Variants in TYW1B observed in about 807,000 individuals in gnomAD.
TYW1B encodes S-adenosyl-L-methionine-dependent tRNA 4-demethylwyosine synthase TYW1B.
A neutral mutation model predicts 86.9 loss-of-function variants in TYW1B; 73 were observed. The observed-to-expected ratio is 0.84, with a 90% CI of 0.70 to 1.02. The LOEUF is 1.02. Among genes scored for constraint, TYW1B ranks in the 50% least tolerant of loss-of-function variants. TYW1B has a pLI of 0.00. For missense variants in TYW1B, 637 were observed against 827.4 expected (o/e 0.77, Z 2.82); for synonymous variants, 248 against 292.8 (o/e 0.85, Z 1.56).
At chr7:72,657,751 A>G (rs559608455) in intron 11 of TYW1B, among the ~76,000 whole-genome samples, 1 of 152,334 alleles carries the variant, frequency 6.6e-6, no homozygotes, top group African/African-American at 2.4e-5. Flanking sequence ...TCCTTCAGAA[A>G]TGAAGGAGAA....
intron 11 of TYW1B, among the ~76,000 whole-genome samples, chr7:72,666,618 G>C (rs1554445293): frequency 6.6e-6 from 1 of 152,020 alleles, no homozygotes; most frequent in Admixed American, 6.6e-5. Context: ...AGTAACACAG[G>C]AATCTCCTAG....
intron 11 of TYW1B, among the ~76,000 whole-genome samples, chr7:72,653,327 G>A (rs2129569259): frequency 6.6e-6 from 1 of 152,172 alleles, no homozygotes; most frequent in African/African-American, 2.4e-5. Flanking sequence ...TGAAAAGAGG[G>A]CGGGCGCAGT....
At chr7:72,779,125 GC>G (rs1390658213) in intron 6 of TYW1B, among the ~76,000 whole-genome samples, 1 of 152,076 alleles carries the variant, frequency 6.6e-6, no homozygotes, top group Non-Finnish European at 1.5e-5. Flanking sequence ...CTACCACCAA[GC>G]CCCAGCCCAC....
At chr7:72,724,101 G>T (rs1390978678) in intron 9 of TYW1B, among the ~76,000 whole-genome samples, 1 of 151,532 alleles carries the variant, frequency 6.6e-6, no homozygotes, top group Non-Finnish European at 1.5e-5. Flanking sequence ...TTAGAACACA[G>T]AAAAAAGCAT....
intron 10 of TYW1B, among the ~76,000 whole-genome samples, chr7:72,709,784 G>A (rs1167767708): frequency 2.0e-5 from 3 of 152,154 alleles, no homozygotes; most frequent in East Asian, 1.9e-4. Flanking sequence ...TTTCAGGATC[G>A]GAGAAATTTG....
At chr7:72,799,723 C>A (rs1788372352) in intron 6 of TYW1B, among the ~76,000 whole-genome samples, 1 of 152,024 alleles carries the variant, frequency 6.6e-6, no homozygotes, top group Non-Finnish European at 1.5e-5. Flanking sequence ...CCTCGACCTC[C>A]CAAAGTGCTG....
intron 7 of TYW1B, among the ~76,000 whole-genome samples, chr7:72,767,032 T>C (rs570602926): frequency 2.0e-5 from 3 of 152,106 alleles, no homozygotes; most frequent in African/African-American, 7.2e-5. Context: ...AAAATCAAAA[T>C]GGAGTCACTA....
At chr7:72,821,215 C>G (rs1788823019) in intron 2 of TYW1B, among the ~76,000 whole-genome samples, 2 of 152,104 alleles carry the variant, frequency 1.3e-5, no homozygotes, top group South Asian at 2.1e-4. Flanking sequence ...CTCAAGTGAC[C>G]CACCTGCCTC....
At chr7:72,653,911 C>G (rs1366769409) in intron 11 of TYW1B, among the ~76,000 whole-genome samples, 1 of 151,872 alleles carries the variant, frequency 6.6e-6, no homozygotes, top group Non-Finnish European at 1.5e-5. Context: ...TGAACCCTGT[C>G]TCTATTAAAA....
intron 9 of TYW1B, among the ~76,000 whole-genome samples, chr7:72,720,621 A>G (rs1313621006): frequency 1.3e-5 from 2 of 152,116 alleles, no homozygotes; most frequent in African/African-American, 4.8e-5. Flanking sequence ...GCATGTTTCT[A>G]TTTCTTGCTC....
intron 10 of TYW1B, among the ~76,000 whole-genome samples, chr7:72,699,857 C>G (rs1379441444): frequency 1.1e-4 from 16 of 152,030 alleles, no homozygotes; most frequent in Non-Finnish European, 1.3e-4. Context: ...GCCATGTTGG[C>G]CAGGCTGGTC....
At chr7:72,685,486 C>A (rs782057237) in intron 11 of TYW1B, among the ~76,000 whole-genome samples, 5 of 151,466 alleles carry the variant, frequency 3.3e-5, no homozygotes, top group Admixed American at 6.6e-5. Flanking sequence ...GAACAGAATA[C>A]AGCCCAGGAA....
Position 72,774,865 on chromosome 7 carries a change from G to A in TYW1B, c.964+2551C>T, listed in dbSNP as rs1341943622. 7.9e-5 allele frequency among the ~76,000 whole-genome samples: 12 copies of A among 152,066 alleles called. 1 individual carries two copies. Among genetic ancestry groups the A allele is most frequent in the South Asian group, 4.1e-4 (2 of 4,830 alleles). On this transcript the variant is annotated intron_variant, in intron 7 of 13. Coordinates refer to ENST00000620995, the MANE Select transcript of TYW1B (RefSeq NM_001145440.3). ...GATGAATGAGGGAAAAAAATCCATT[G>A]ATCCAAGCTGATCCAAAAATGACAA...
chr7:72,761,940 A>G (rs1315526855), intron 7 of TYW1B, among the ~76,000 whole-genome samples: 1 of 152,108 alleles, frequency 6.6e-6, no homozygotes, highest in Non-Finnish European at 1.5e-5. Flanking sequence ...TGAAAACACA[A>G]TTCATAAAAG....
Position 72,673,129 on chromosome 7 carries a change from T to C in TYW1B, c.1506+21558A>G, listed in dbSNP as rs182268670. On this transcript the variant is annotated intron_variant, in intron 11 of 13. Transcript: ENST00000620995. ...GCTGCAGTGAGCCGAGATCGGCCAC[T>C]GCACTCCAGCCTGGGCGACAGAGCA... Among the ~76,000 whole-genome samples the C allele has an allele frequency of 8.1e-4, 124 of 152,294 alleles. 2 individuals carry two copies. Among genetic ancestry groups the C allele is most frequent in the African/African-American group, 2.7e-3 (112 of 41,568 alleles).
At chr7:72,795,734 GGAT>G (rs1273298008) in intron 6 of TYW1B, among the ~76,000 whole-genome samples, 2 of 117,516 alleles carry the variant, frequency 1.7e-5, no homozygotes, top group Non-Finnish European at 3.5e-5. Flanking sequence ...TTAGTTTGTG[GGAT>G]GATATTTTGA....
intron 6 of TYW1B, among the ~76,000 whole-genome samples, chr7:72,781,158 G>A (rs548418050): frequency 2.6e-5 from 4 of 152,060 alleles, no homozygotes; most frequent in African/African-American, 9.7e-5. Context: ...CCAGGTTGTA[G>A]GTCAGGTAAC....
intron 8 of TYW1B, among the ~76,000 whole-genome samples, chr7:72,739,393 G>C (rs1392528691): frequency 6.6e-6 from 1 of 151,940 alleles, no homozygotes; most frequent in Admixed American, 6.6e-5. Flanking sequence ...ATCACGAGGT[G>C]AGGAGTTCAA....
intron 12 of TYW1B, among the ~76,000 whole-genome samples, chr7:72,617,404 G>A (rs1429306177): frequency 1.3e-5 from 2 of 152,070 alleles, no homozygotes; most frequent in Non-Finnish European, 2.9e-5. Context: ...GTCTTGCTCT[G>A]TCACCTAAGC....
Sources: gnomAD v4.1 joint callset for allele counts (sites outside exome capture counted in the v4.1 genomes callset) on GRCh38, gnomAD v4.1.1 for gene constraint, MANE v1.5 for transcripts, NCBI Gene and HGNC (gene_info 2026-07-23, HGNC 2026-07-21) for gene names.